The following SLC22A16 variants were observed in gnomAD, a reference collection of about 807,000 sequenced individuals.
SLC22A16 encodes the protein solute carrier family 22 member 16, also known as WUGSC:RG331P03.1.
A neutral mutation model predicts 52.9 loss-of-function variants in SLC22A16; 53 were observed. The observed-to-expected ratio is 1.00, with a 90% CI of 0.80 to 1.26. The LOEUF (loss-of-function observed/expected upper bound fraction) is 1.26, where lower values mean the gene tolerates loss of function less well. Ranked by LOEUF, SLC22A16 falls within the 50% of genes most tolerant of loss-of-function variation. The pLI is 0.00. For missense variants in SLC22A16, 726 were observed against 704.0 expected (o/e 1.03, Z -0.35); for synonymous variants, 291 against 268.8 (o/e 1.08, Z -0.81).
At chr6:110,476,247 A>G in intron 1 of SLC22A16, 2 of 934,782 alleles carry the variant, frequency 2.1e-6, no homozygotes, top group Admixed American at 3.4e-5. Flanking sequence ...GCTGCCGCGG[A>G]GAGCACGCAC....
intron 1 of SLC22A16, among the ~76,000 whole-genome samples, chr6:110,463,913 C>CA (rs34477824): frequency 0.18 from 24,899 of 139,888 alleles, 2,415 homozygotes; most frequent in African/African-American, 0.29. Context: ...TCAATAAATG[C>CA]AAAAAAAAAA....
chr6:110,437,933 T>C (rs1774796246), intron 5 of SLC22A16, among the ~76,000 whole-genome samples: 1 of 152,128 alleles, frequency 6.6e-6, no homozygotes, highest in African/African-American at 2.4e-5. Context: ...ACTACTAATC[T>C]CCTGCAATGA....
intron 1 of SLC22A16, 183 bp downstream of exon 1, chr6:110,476,339 G>T (rs1019947146): frequency 7.2e-7 from 1 of 1,387,832 alleles, no homozygotes; most frequent in Non-Finnish European, 9.3e-7. Context: ...GCTGCCAGAG[G>T]CCTAGAGGAG....
At chr6:110,435,989 T>C (rs1774714214) in intron 5 of SLC22A16, 28 bp from the exon 6 acceptor site, 1 of 1,361,510 alleles carries the variant, frequency 7.3e-7, no homozygotes. Flanking sequence ...GAATAGATCA[T>C]CACAAGTGGT....
chr6:110,443,286 A>G (rs1775046986), intron 3 of SLC22A16, among the ~76,000 whole-genome samples: 1 of 152,252 alleles, frequency 6.6e-6, no homozygotes, highest in African/African-American at 2.4e-5. Flanking sequence ...CAATGGAGGG[A>G]AAAGGCAACC....
chr6:110,469,299 C>T (rs913077156), intron 1 of SLC22A16, among the ~76,000 whole-genome samples: 3 of 152,242 alleles, frequency 2.0e-5, no homozygotes, highest in South Asian at 2.1e-4. Flanking sequence ...GATGCTGAGG[C>T]GGATCACTTG....
intron 4 of SLC22A16, among the ~76,000 whole-genome samples, chr6:110,439,557 A>G (rs1049679764): frequency 6.6e-6 from 1 of 152,226 alleles, no homozygotes; most frequent in Non-Finnish European, 1.5e-5. Flanking sequence ...CTGAGCTATA[A>G]TGAACAAAAA....
intron 6 of SLC22A16, among the ~76,000 whole-genome samples, chr6:110,432,889 T>C (rs1273272397): frequency 6.6e-6 from 1 of 152,042 alleles, no homozygotes; most frequent in Non-Finnish European, 1.5e-5. Flanking sequence ...TAGCAACTTA[T>C]CCCCCGCTAA....
chr6:110,457,096 T>C (rs1236050063), intron 1 of SLC22A16, 79 bp from the exon 2 acceptor site: 18 of 1,354,314 alleles, frequency 1.3e-5, no homozygotes, highest in Admixed American at 2.4e-5. Flanking sequence ...AGGGTCTCCA[T>C]CATGTTTATC....
intron 3 of SLC22A16, among the ~76,000 whole-genome samples, chr6:110,444,815 T>G (rs554783304): frequency 1.3e-5 from 2 of 152,336 alleles, no homozygotes; most frequent in South Asian, 4.1e-4. Flanking sequence ...CATCTAACAA[T>G]CCAGAAGTCG....
chr6:110,456,269 C>A (rs1048561709), intron 2 of SLC22A16: 1 of 410,942 alleles, frequency 2.4e-6, no homozygotes, highest in Non-Finnish European at 4.3e-6. Flanking sequence ...AGCCTATAGA[C>A]AAAGATTCTG....
At chr6:110,439,576 T>C (rs1774884676) in intron 4 of SLC22A16, among the ~76,000 whole-genome samples, 1 of 152,188 alleles carries the variant, frequency 6.6e-6, no homozygotes, top group Admixed American at 6.5e-5. Flanking sequence ...AACGGATGTG[T>C]CTGCTGAGGA....
intron 1 of SLC22A16, among the ~76,000 whole-genome samples, chr6:110,466,949 A>AT (rs1247226898): frequency 6.6e-6 from 1 of 152,078 alleles, no homozygotes; most frequent in African/African-American, 2.4e-5. Flanking sequence ...AGATAGATAG[A>AT]TAGATAGATA....
At chr6:110,441,631 T>C (rs1774969144) in intron 4 of SLC22A16, among the ~76,000 whole-genome samples, 1 of 152,162 alleles carries the variant, frequency 6.6e-6, no homozygotes, top group African/African-American at 2.4e-5. Context: ...GAGGAGAGTG[T>C]TTTGAGAGAG....
intron 6 of SLC22A16, among the ~76,000 whole-genome samples, chr6:110,433,939 A>G (rs1217910422): frequency 1.3e-5 from 2 of 151,844 alleles, no homozygotes; most frequent in African/African-American, 2.4e-5. Flanking sequence ...TTGCAAAAAA[A>G]AGAGTCAAAA....
At chr6:110,438,922 T>C (rs1774852920) in intron 4 of SLC22A16, 75 bp from the exon 5 acceptor site, 1 of 1,571,764 alleles carries the variant, frequency 6.4e-7, no homozygotes, top group South Asian at 1.2e-5. Context: ...TCTAACCCAC[T>C]ACCCAAAAGG....
intron 7 of SLC22A16, among the ~76,000 whole-genome samples, chr6:110,428,305 A>T (rs1411806050): frequency 1.3e-5 from 2 of 151,968 alleles, no homozygotes; most frequent in Non-Finnish European, 2.9e-5. Flanking sequence ...AAGGAAGCAC[A>T]TTCACAGACT....
At chr6:110,435,789 A>G in intron 6 of SLC22A16, 63 bp downstream of exon 6, 1 of 1,255,322 alleles carries the variant, frequency 8.0e-7, no homozygotes, top group East Asian at 2.4e-5. Context: ...AAGGCCAAAT[A>G]CAATGAAATG....
chr6:110,439,855 A>G (rs1262730708), intron 4 of SLC22A16: 1 of 152,222 alleles, frequency 6.6e-6, no homozygotes, highest in East Asian at 1.9e-4. Context: ...GAAGTACAAC[A>G]ACATAAATTA....
Sources: gnomAD v4.1 joint callset for allele counts (sites outside exome capture counted in the v4.1 genomes callset) on GRCh38, gnomAD v4.1.1 for gene constraint, MANE v1.5 for transcripts, NCBI Gene and HGNC (gene_info 2026-07-23, HGNC 2026-07-21) for gene names.